The following AKT3 variants were observed in gnomAD, a reference collection of about 807,000 sequenced individuals.
AKT3 encodes the protein AKT serine/threonine kinase 3, also known as RAC-gamma serine/threonine-protein kinase.
In AKT3, 15 loss-of-function variants were observed where a neutral mutation model predicts 65.3. The ratio of observed to expected loss-of-function variants is 0.23; its 90% CI spans 0.15 to 0.35. AKT3 has a LOEUF of 0.35. Ranked by LOEUF, AKT3 falls within the 10% of genes least tolerant of loss-of-function variation. The pLI, the probability that AKT3 is intolerant of heterozygous loss-of-function variation, is 1.00. For synonymous variants in AKT3, 206 were observed against 183.8 expected (o/e 1.12, Z -0.98); for missense variants, 243 against 576.5 (o/e 0.42, Z 5.92).
intron 2 of AKT3, among the ~76,000 whole-genome samples, chr1:243,712,890 C>G (rs1686248991): frequency 6.6e-6 from 1 of 151,978 alleles, no homozygotes; most frequent in Non-Finnish European, 1.5e-5. Flanking sequence ...AATATACAAC[C>G]AACTCATTAA....
At position 243,526,778 on chromosome 1, in the gene AKT3, T is replaced by TAAAAAAAAAAAAAAAAAAAAAAAAAAA. The variant is rs1671117704; in HGVS notation, c.1252-14353_1252-14352insTTTTTTTTTTTTTTTTTTTTTTTTTTT. ...TTGCCAGCTGCACTACAAAAAATGG[T>TAAAAAAAAAAAAAAAAAAAAAAAAAAA]TAAAAAAAAAAAAAAAAAAAAAAAA... On this transcript the variant is annotated intron_variant, in intron 12 of 13. Transcript: ENST00000673466. Among the ~76,000 whole-genome samples, 16 of 55,726 alleles carry TAAAAAAAAAAAAAAAAAAAAAAAAAAA rather than the reference T, an allele frequency of 2.9e-4. 6 individuals carry two copies. The highest frequency in any genetic ancestry group is 6.7e-4 in the African/African-American group (11 of 16,472). The allele number at this position is 55,726 out of a possible 152,430, so 36.6% of individuals were successfully genotyped here. A position where few individuals can be genotyped will look rare whatever the true frequency, so the allele number is the denominator to read the frequency against.
At position 243,489,010 on chromosome 1, in the gene AKT3, C is replaced by T. The variant is rs1665718706; in HGVS notation, c.*7-560G>A. ...CTTTAATTCTGCGGTGGATTTTTCTCCAGGCTAAGGCAGCTGGATAAGCAC... is the reference window on the plus strand; with the variant it reads ...CTTTAATTCTGCGGTGGATTTTTCTTCAGGCTAAGGCAGCTGGATAAGCAC... On this transcript the variant is annotated intron_variant, in intron 13 of 13. Coordinates refer to the AKT3 transcript ENST00000336199. The T allele has an allele frequency of 1.9e-6, 3 of 1,613,254 alleles. No individual in the cohort carries two copies. The highest frequency in any genetic ancestry group is 2.5e-6 in the Non-Finnish European group (3 of 1,180,038).
chr1:243,492,604 G>GTTTTTTTTTTTTTTTT (rs74162289), intron 13 of AKT3, among the ~76,000 whole-genome samples: 1 of 58,866 alleles, frequency 1.7e-5, no homozygotes, highest in Non-Finnish European at 3.0e-5. Flanking sequence ...GCGCCCAGCT[G>GTTTTTTTTTTTTTTTT]TTTTTTTTTT....
chr1:243,555,298 T>C (rs1282483823), intron 10 of AKT3, among the ~76,000 whole-genome samples: 2 of 152,190 alleles, frequency 1.3e-5, no homozygotes, highest in Non-Finnish European at 2.9e-5. Flanking sequence ...GTCCAAATCC[T>C]ATCTCCAAAC....
intron 2 of AKT3, among the ~76,000 whole-genome samples, chr1:243,836,693 C>T (rs953855950): frequency 4.0e-5 from 6 of 151,730 alleles, no homozygotes; most frequent in African/African-American, 1.5e-4. Context: ...GGTGGATCAC[C>T]TGAGGTCAGG....
chr1:243,728,830 G>A lies in AKT3; in HGVS notation c.47-33114C>T, dbSNP rs921630875. On this transcript the variant is annotated intron_variant, in intron 2 of 13. Coordinates refer to ENST00000673466, the MANE Select transcript of AKT3 (RefSeq NM_005465.7). ...TCCCAGAAGAGGTAAAAAGTTATTAGAGACAAAAAGGACTTCAGGGAAACT... is the reference window on the plus strand; with the variant it reads ...TCCCAGAAGAGGTAAAAAGTTATTAAAGACAAAAAGGACTTCAGGGAAACT... 3.3e-5 allele frequency among the ~76,000 whole-genome samples: 5 copies of A among 152,242 alleles called. No homozygotes were observed. In the East Asian group the frequency reaches 9.7e-4, roughly 29 times the overall value.
chr1:243,776,641 T>G (rs544814236), intron 2 of AKT3, among the ~76,000 whole-genome samples: 1 of 152,290 alleles, frequency 6.6e-6, no homozygotes, highest in East Asian at 1.9e-4. Flanking sequence ...CTAATTCAGA[T>G]GGAAACTATT....
chr1:243,840,713 A>AT (rs1323657662), intron 2 of AKT3, among the ~76,000 whole-genome samples: 1 of 100,038 alleles, frequency 1.0e-5, no homozygotes, highest in Admixed American at 1.1e-4. Context: ...GAGAAAAGCT[A>AT]ATTTTTTTTT....
intron 2 of AKT3, among the ~76,000 whole-genome samples, chr1:243,761,304 T>C (rs115619790): frequency 0.01 from 1,525 of 152,090 alleles, 29 homozygotes; most frequent in African/African-American, 0.036. Context: ...AACTGAAAAA[T>C]ACGATGTCCA....
intron 4 of AKT3, among the ~76,000 whole-genome samples, chr1:243,654,440 G>A (rs899679529): frequency 2.0e-5 from 3 of 152,016 alleles, no homozygotes; most frequent in Non-Finnish European, 4.4e-5. Context: ...AAGAATACTA[G>A]GTTAGTTATT....
intron 2 of AKT3, among the ~76,000 whole-genome samples, chr1:243,738,680 C>T (rs1179807857): frequency 6.6e-6 from 1 of 151,914 alleles, no homozygotes; most frequent in Non-Finnish European, 1.5e-5. Flanking sequence ...GATAATGACA[C>T]GGAAATAAAG....
intron 2 of AKT3, among the ~76,000 whole-genome samples, chr1:243,811,066 C>A (rs1246791123): frequency 6.6e-6 from 1 of 152,164 alleles, no homozygotes; most frequent in East Asian, 1.9e-4. Context: ...CAGCCAATAT[C>A]ATACTGAATG....
intron 2 of AKT3, among the ~76,000 whole-genome samples, chr1:243,842,349 C>A (rs562618683): frequency 6.6e-6 from 1 of 152,144 alleles, no homozygotes; most frequent in African/African-American, 2.4e-5. Context: ...TCATCCTACT[C>A]GACGTGGCCA....
chr1:243,790,875 T>G (rs1000440057), intron 2 of AKT3, among the ~76,000 whole-genome samples: 1 of 152,168 alleles, frequency 6.6e-6, no homozygotes, highest in African/African-American at 2.4e-5. Flanking sequence ...TACACATTTA[T>G]TAAGTTCATC....
intron 6 of AKT3, among the ~76,000 whole-genome samples, chr1:243,621,722 T>C (rs920369221): frequency 1.3e-5 from 2 of 152,194 alleles, no homozygotes; most frequent in Non-Finnish European, 2.9e-5. Flanking sequence ...TTGAAAAGTT[T>C]CTCCTGCAGT....
At chr1:243,754,934 G>C (rs915356071) in intron 2 of AKT3, among the ~76,000 whole-genome samples, 1 of 152,226 alleles carries the variant, frequency 6.6e-6, no homozygotes, top group African/African-American at 2.4e-5. Context: ...CAAAAATGCT[G>C]AAGTGAGGAA....
intron 2 of AKT3, among the ~76,000 whole-genome samples, chr1:243,739,872 A>T (rs1688050106): frequency 6.6e-6 from 1 of 152,208 alleles, no homozygotes; most frequent in African/African-American, 2.4e-5. Context: ...CTCAGGTTTC[A>T]AATTAGAAAT....
intron 5 of AKT3, among the ~76,000 whole-genome samples, chr1:243,638,444 C>T (rs1161993695): frequency 1.3e-5 from 2 of 152,136 alleles, no homozygotes; most frequent in African/African-American, 2.4e-5. Context: ...TCTCTACAGT[C>T]CCCTCTATGT....
chr1:243,618,710 T>C (rs754411891), intron 6 of AKT3, among the ~76,000 whole-genome samples: 30 of 152,262 alleles, frequency 2.0e-4, no homozygotes, highest in Non-Finnish European at 3.4e-4. Flanking sequence ...GGGAATGGGA[T>C]TTTATTTCTT....
Sources: allele counts gnomAD v4.1 joint callset (sites outside exome capture counted in the v4.1 genomes callset), GRCh38; gene constraint gnomAD v4.1.1; transcripts MANE v1.5; gene names NCBI Gene and HGNC (gene_info 2026-07-23, HGNC 2026-07-21).